The following TCEAL4 variants were observed in gnomAD, a reference collection of about 807,000 sequenced individuals.
TCEAL4 encodes transcription elongation factor A protein-like 4.
TCEAL4 carries 1 observed loss-of-function variant against 1.3 expected under a neutral mutation model. The observed-to-expected ratio is 0.79, with a 90% CI of 0.28 to 3.76. The LOEUF (loss-of-function observed/expected upper bound fraction) is 3.76. Ranked by LOEUF, TCEAL4 falls within the 30% of genes most tolerant of loss-of-function variation. The probability of loss-of-function intolerance (pLI) is 0.18; values close to 1 mark genes in which losing one functional copy is unlikely to be tolerated. For missense variants in TCEAL4, 129 were observed against 154.7 expected, an observed-to-expected ratio of 0.83 and a Z score of 0.88; for synonymous variants, 54 against 50.7, an observed-to-expected ratio of 1.06 and a Z score of -0.28.
intron 2 of TCEAL4, among the ~76,000 whole-genome samples, chrX:103,579,095 C>A (rs2147617638): frequency 8.9e-6 from 1 of 112,214 alleles, no homozygotes; most frequent in South Asian, 3.7e-4. Flanking sequence ...AAAGACTATT[C>A]TTTCATAGTT....
chrX:103,576,650 G>C, intron 1 of TCEAL4: 1 of 456,873 alleles, frequency 2.2e-6, no homozygotes, highest in Middle Eastern at 6.3e-4. Context: ...TATAATCCCA[G>C]CTACTCAGGA....
upstream of TCEAL4, among the ~76,000 whole-genome samples, chrX:103,581,286 T>C (rs2147618838): frequency 9.0e-6 from 1 of 111,617 alleles, no homozygotes; most frequent in South Asian, 3.8e-4. Context: ...ACCAGACATA[T>C]TCACAGCTGA....
At chrX:103,578,085 C>A (rs2073492216) in intron 2 of TCEAL4, among the ~76,000 whole-genome samples, 1 of 112,213 alleles carries the variant, frequency 8.9e-6, no homozygotes, top group African/African-American at 3.2e-5. Context: ...TATTAATGGA[C>A]TAATACAATA....
At position 103,587,673 on chromosome X, in the gene TCEAL4, C is replaced by A. The variant is rs1290330639; in HGVS notation, c.*350C>A. The A allele has an allele frequency of 2.4e-4, 41 of 174,434 alleles. No homozygotes were observed. The East Asian group carries it at 5.4e-3, about 23-fold the overall frequency. 14.4% of individuals were successfully genotyped at this position (174,434 alleles called of 1,213,427 possible). Reference sequence around the variant, plus strand: ...CTTTTTTGTTCATCTGTCCATTTTTCTCCTAAAAACAGATTTCTTTAGTCA... The same window carrying A: ...CTTTTTTGTTCATCTGTCCATTTTTATCCTAAAAACAGATTTCTTTAGTCA... On this transcript the variant is annotated 3_prime_UTR_variant, in exon 3 of 3. Transcript: ENST00000472484.
Position 103,586,122 on chromosome X carries a change from C to G in TCEAL4, c.-100-97C>G, listed in dbSNP as rs1254236216. 6.3e-6 allele frequency: 7 copies of G among 1,117,947 alleles called. No individual in the cohort carries two copies. In the South Asian group the frequency reaches 1.1e-4, roughly 17 times the overall value. The allele number at this position is 1,117,947 out of a possible 1,213,427, so 92.1% of individuals were successfully genotyped here. A position where few individuals can be genotyped will look rare whatever the true frequency, so the allele number is the denominator to read the frequency against. Reference sequence around the variant, plus strand: ...GTGCGGCGGAGGTAGGGGAGGAAAACGTTGGATGAGAAGGGCCTGGACTCA... The same window carrying G: ...GTGCGGCGGAGGTAGGGGAGGAAAAGGTTGGATGAGAAGGGCCTGGACTCA... On this transcript the variant is annotated intron_variant, in intron 1 of 2. Transcript: ENST00000472484.
chrX:103,578,760 G>A (rs1365226583), intron 2 of TCEAL4, among the ~76,000 whole-genome samples: 3 of 111,197 alleles, frequency 2.7e-5, no homozygotes, highest in African/African-American at 6.5e-5. Flanking sequence ...TACATTACTC[G>A]CAAAAATTTT....
upstream of TCEAL4, among the ~76,000 whole-genome samples, chrX:103,580,892 T>C (rs1172989016): frequency 9.0e-6 from 1 of 111,123 alleles, no homozygotes; most frequent in Non-Finnish European, 1.9e-5. Flanking sequence ...GTCAAAATGA[T>C]AGCTGAACTG....
rs2073568730 is a variant in TCEAL4 at position 103,587,487 on chromosome X, T to C, written c.*164T>C. 2 of 614,128 alleles carry C rather than the reference T, an allele frequency of 3.3e-6. No homozygotes were observed. Among genetic ancestry groups the C allele is most frequent in the Non-Finnish European group, 4.6e-6 (2 of 433,270 alleles). The allele number at this position is 614,128 out of a possible 1,213,427, so 50.6% of individuals were successfully genotyped here. A position where few individuals can be genotyped will look rare whatever the true frequency, so the allele number is the denominator to read the frequency against. ...TGGAAAAAATGTTGATGGTGCATTG[T>C]AAAATTAAAAAACACAACTTGCAGA... On this transcript the variant is annotated 3_prime_UTR_variant, in exon 3 of 3. Transcript: ENST00000472484.
chrX:103,581,356 A>C (rs1271042969), upstream of TCEAL4, among the ~76,000 whole-genome samples: 2 of 111,880 alleles, frequency 1.8e-5, no homozygotes, highest in African/African-American at 6.5e-5. Flanking sequence ...TTCCGAAAAA[A>C]TTGAAAAGGA....
chrX:103,586,021 G>A (rs893386254), intron 1 of TCEAL4, 198 bp from the exon 2 acceptor site: 55 of 1,078,098 alleles, frequency 5.1e-5, no homozygotes, highest in Non-Finnish European at 6.3e-5. Context: ...TGAGGAAGAA[G>A]GGCACAGAGA....
At chrX:103,583,841 GC>G (rs1271791040), upstream of TCEAL4, among the ~76,000 whole-genome samples, 1 of 112,203 alleles carries the variant, frequency 8.9e-6, no homozygotes, top group African/African-American at 3.2e-5. Context: ...CTGCACATGT[GC>G]CCCTGAGCTT....
At chrX:103,583,918 A>T (rs902184492), upstream of TCEAL4, among the ~76,000 whole-genome samples, 1 of 112,179 alleles carries the variant, frequency 8.9e-6, no homozygotes, top group African/African-American at 3.2e-5. Context: ...TTACTGGCAC[A>T]AAAGATCAAA....
chrX:103,577,822 G>A (rs914472252), intron 2 of TCEAL4, among the ~76,000 whole-genome samples: 9 of 111,759 alleles, frequency 8.1e-5, no homozygotes, highest in Admixed American at 7.6e-4. Context: ...TTTTATCACA[G>A]CTTTATTGAG....
intron 2 of TCEAL4, among the ~76,000 whole-genome samples, chrX:103,578,169 A>G (rs1041270075): frequency 1.8e-5 from 2 of 112,530 alleles, no homozygotes; most frequent in Admixed American, 1.9e-4. Flanking sequence ...AGCATGTATC[A>G]GCACTTTGTT....
upstream of TCEAL4, among the ~76,000 whole-genome samples, chrX:103,583,866 A>C (rs150427851): frequency 1.2e-4 from 14 of 112,548 alleles, 2 homozygotes; most frequent in African/African-American, 4.5e-4. Context: ...ATAAAAGTTG[A>C]AGAAAGAAAA....
rs1436091710 is a variant in TCEAL4 at position 103,577,141 on chromosome X, C to T, written c.111C>T (p.Cys37=). ...GAGACAAAGTCCACATCTGTCAATG[C>T]GAAGAATGGAAAGGTCACATATCAT... Residue 37 remains cysteine (C), a synonymous_variant, in exon 2 of 5, where the codon TGC becomes TGT. Coordinates refer to the TCEAL4 transcript ENST00000372629. The T allele has an allele frequency of 8.6e-6, 10 of 1,165,181 alleles. No individual in the cohort carries two copies. The African/African-American group carries it at 1.1e-4, about 13-fold the overall frequency.
chrX:103,586,976 G>A lies in TCEAL4; in HGVS notation c.301G>A (p.Glu101Lys). ...EGKPEIEGKP[E>K]SEGEPGSETR... ...AAAACCAGAGATAGAGGGAAAGCCA[G>A]AGAGTGAAGGAGAGCCAGGGAGTGA... Residue 101 changes from glutamate to lysine, a missense_variant, in exon 3 of 3, where the codon GAG becomes AAG. By Grantham distance (56) the Glu-to-Lys change is moderately conservative (BLOSUM62 1). Transcript: ENST00000472484. 1.7e-6 allele frequency: 2 copies of A among 1,211,179 alleles called. No individual in the cohort carries two copies. The highest frequency in any genetic ancestry group is 2.2e-6 in the Non-Finnish European group (2 of 895,357).
At chrX:103,583,994 C>T (rs1034784322), upstream of TCEAL4, among the ~76,000 whole-genome samples, 5 of 110,832 alleles carry the variant, frequency 4.5e-5, no homozygotes, top group Non-Finnish European at 7.6e-5. Flanking sequence ...ATGGCGTGAT[C>T]TCGGCTCACT....
intron 1 of TCEAL4, chrX:103,585,890 TG>T: frequency 1.9e-6 from 2 of 1,056,572 alleles, no homozygotes; most frequent in Non-Finnish European, 2.5e-6. Flanking sequence ...CCGTCCATTT[TG>T]GAGCCGGAGA....
Sources: allele counts gnomAD v4.1 joint callset (sites outside exome capture counted in the v4.1 genomes callset), GRCh38; gene constraint gnomAD v4.1.1; transcripts MANE v1.5; gene names NCBI Gene and HGNC (gene_info 2026-07-23, HGNC 2026-07-21).